The following DCT variants were observed in gnomAD, a reference collection of about 807,000 sequenced individuals.
DCT encodes dopachrome tautomerase.
A neutral mutation model predicts 53.0 loss-of-function variants in DCT; 47 were observed. The ratio of observed to expected loss-of-function variants is 0.89; its 90% CI spans 0.70 to 1.13. The LOEUF (loss-of-function observed/expected upper bound fraction) is 1.13. Ranked by LOEUF, DCT falls within the 50% of genes most tolerant of loss-of-function variation. DCT has a pLI of 0.00. For synonymous variants in DCT, 244 were observed against 237.0 expected (o/e 1.03, Z -0.27); for missense variants, 669 against 637.4 (o/e 1.05, Z -0.53).
intron 1 of DCT, among the ~76,000 whole-genome samples, chr13:94,470,080 G>GA (rs1228253851): frequency 6.7e-6 from 1 of 150,270 alleles, no homozygotes; most frequent in African/African-American, 2.5e-5. Context: ...GTCTCAAAAA[G>GA]AAAGAAAAGA....
At chr13:94,493,611 G>C in the DCT span, among the ~76,000 whole-genome samples, 1 of 152,274 alleles carries the variant, frequency 6.6e-6, no homozygotes, top group Non-Finnish European at 1.5e-5. Flanking sequence ...AAATGACATG[G>C]ACAGAATAAA....
chr13:94,499,067 T>C, the DCT span, among the ~76,000 whole-genome samples: 1 of 152,120 alleles, frequency 6.6e-6, no homozygotes, highest in Non-Finnish European at 1.5e-5. Context: ...CCCATTCGGG[T>C]CCCCTTCCAC....
chr13:94,544,131 A>G, the DCT span, among the ~76,000 whole-genome samples: 1 of 151,976 alleles, frequency 6.6e-6, no homozygotes, highest in African/African-American at 2.4e-5. Context: ...TCATTTTAGT[A>G]CATCTCAGAA....
At chr13:94,482,144 A>C (rs565381101), upstream of DCT, among the ~76,000 whole-genome samples, 69 of 152,354 alleles carry the variant, frequency 4.5e-4, no homozygotes, top group Non-Finnish European at 1.5e-4. Flanking sequence ...CCAAACGTGC[A>C]TGGTGATGAT....
the DCT span, among the ~76,000 whole-genome samples, chr13:94,509,715 T>G: frequency 2.0e-5 from 3 of 152,202 alleles, no homozygotes; most frequent in Non-Finnish European, 4.4e-5. Flanking sequence ...ATACATAAAA[T>G]GGAATCATAA....
chr13:94,500,060 A>G, the DCT span, among the ~76,000 whole-genome samples: 3 of 152,124 alleles, frequency 2.0e-5, no homozygotes, highest in Non-Finnish European at 4.4e-5. Flanking sequence ...CAAGTATACA[A>G]TAGAGTATAG....
chr13:94,547,337 A>C, the DCT span, among the ~76,000 whole-genome samples: 1 of 151,812 alleles, frequency 6.6e-6, no homozygotes, highest in African/African-American at 2.4e-5. Context: ...GGCTGGTCTC[A>C]AACTTCTGAC....
intron 5 of DCT, 38 bp from the exon 6 acceptor site, chr13:94,460,264 A>T (rs758752951): frequency 6.3e-7 from 1 of 1,595,240 alleles, no homozygotes; most frequent in Non-Finnish European, 8.6e-7. Context: ...ACAGACAAAG[A>T]CTGATAAAGG....
At chr13:94,449,661 G>T (rs1882956502) in intron 6 of DCT, among the ~76,000 whole-genome samples, 1 of 152,184 alleles carries the variant, frequency 6.6e-6, no homozygotes, top group African/African-American at 2.4e-5. Flanking sequence ...ACATTAAAAG[G>T]TTGGTTTGGA....
At chr13:94,461,112 T>C (rs1459759704) in intron 5 of DCT, among the ~76,000 whole-genome samples, 1 of 152,234 alleles carries the variant, frequency 6.6e-6, no homozygotes, top group Non-Finnish European at 1.5e-5. Flanking sequence ...TTTTTCATTG[T>C]GACAAAAGTG....
At chr13:94,464,860 T>A (rs2139337767) in intron 4 of DCT, among the ~76,000 whole-genome samples, 1 of 152,224 alleles carries the variant, frequency 6.6e-6, no homozygotes, top group Non-Finnish European at 1.5e-5. Context: ...ATGTCACAGA[T>A]CATCCTTCCC....
At chr13:94,482,201 G>C (rs1010346986), upstream of DCT, among the ~76,000 whole-genome samples, 3 of 152,220 alleles carry the variant, frequency 2.0e-5, no homozygotes, top group Non-Finnish European at 2.9e-5. Flanking sequence ...GTTGGATCAC[G>C]TGTTAGTCTG....
At chr13:94,451,103 C>A (rs1002251360) in intron 6 of DCT, among the ~76,000 whole-genome samples, 1 of 152,048 alleles carries the variant, frequency 6.6e-6, no homozygotes, top group Non-Finnish European at 1.5e-5. Context: ...CCTGGGGAAC[C>A]AGAGAGGGGT....
rs1452669069 is a variant in DCT, at chr13:94,437,741, A to AT, written c.*2156_*2157insA. 6.6e-6 allele frequency: 1 copy of AT among 152,206 alleles called. No individual in the cohort carries two copies. The highest frequency in any genetic ancestry group is 6.5e-5 in the Admixed American group (1 of 15,276). The allele number at this position is 152,206 out of a possible 1,614,324, so 9.4% of individuals were successfully genotyped here. On this transcript the variant is annotated 3_prime_UTR_variant, in exon 8 of 8. Coordinates refer to ENST00000377028, the MANE Select transcript of DCT (RefSeq NM_001922.5). ...TTTATCCTACCTTAATATTTGTTAAAATGCATTCATAATTGATTTATTGTA... is the reference window on the plus strand; with the variant it reads ...TTTATCCTACCTTAATATTTGTTAAATATGCATTCATAATTGATTTATTGTA...
the DCT span, among the ~76,000 whole-genome samples, chr13:94,537,909 C>G: frequency 1.3e-5 from 2 of 152,072 alleles, no homozygotes; most frequent in South Asian, 4.1e-4. Context: ...CAGTGGTGAC[C>G]CACCATTGGC....
chr13:94,500,933 T>C, the DCT span, among the ~76,000 whole-genome samples: 4 of 152,238 alleles, frequency 2.6e-5, no homozygotes, highest in Non-Finnish European at 4.4e-5. Context: ...TTCCAGACTT[T>C]TCTACCACTG....
chr13:94,513,523 G>T, the DCT span, among the ~76,000 whole-genome samples: 1 of 152,218 alleles, frequency 6.6e-6, no homozygotes, highest in Non-Finnish European at 1.5e-5. Context: ...TGAAACAATG[G>T]GCAGCATTTG....
At chr13:94,505,178 A>T in the DCT span, among the ~76,000 whole-genome samples, 1 of 150,910 alleles carries the variant, frequency 6.6e-6, no homozygotes, top group East Asian at 1.9e-4. Context: ...TCTTGGGGAA[A>T]GCACACTAGA....
the DCT span, among the ~76,000 whole-genome samples, chr13:94,528,412 G>A: frequency 1.3e-5 from 2 of 152,194 alleles, no homozygotes; most frequent in African/African-American, 2.4e-5. Flanking sequence ...TACCCACAAA[G>A]GGAAGCCCAT....
Sources: allele counts gnomAD v4.1 joint callset (sites outside exome capture counted in the v4.1 genomes callset), GRCh38; gene constraint gnomAD v4.1.1; transcripts MANE v1.5; gene names NCBI Gene and HGNC (gene_info 2026-07-23, HGNC 2026-07-21).